LOC128706665: variants seen among roughly 807,000 people sequenced by gnomAD.
the LOC128706665 span, chr20:10,431,739 C>T: frequency 6.6e-6 from 1 of 152,190 alleles, no homozygotes; most frequent in African/African-American, 2.4e-5. Context: ...CACTGCCACC[C>T]ACGATAACAG....
At chr20:10,419,754 G>C in the LOC128706665 span, among the ~76,000 whole-genome samples, 1 of 152,138 alleles carries the variant, frequency 6.6e-6, no homozygotes, top group African/African-American at 2.4e-5. Context: ...GACAGACAAG[G>C]GAATGACTCA....
At chr20:10,428,572 C>G in the LOC128706665 span, among the ~76,000 whole-genome samples, 2 of 152,210 alleles carry the variant, frequency 1.3e-5, no homozygotes, top group East Asian at 3.8e-4. Context: ...GGCGCGGTGG[C>G]TCACGCCTCT....
At chr20:10,427,981 T>TA in the LOC128706665 span, among the ~76,000 whole-genome samples, 3 of 152,248 alleles carry the variant, frequency 2.0e-5, no homozygotes, top group Non-Finnish European at 1.5e-5. Context: ...CAGGTATGCG[T>TA]AAGTATCTTA....
At chr20:10,433,557 G>A in the LOC128706665 span, among the ~76,000 whole-genome samples, 7 of 152,322 alleles carry the variant, frequency 4.6e-5, no homozygotes, top group African/African-American at 1.7e-4. Flanking sequence ...ATTTGGGTAT[G>A]GTCTTATCGG....
chr20:10,430,949 G>A, the LOC128706665 span, among the ~76,000 whole-genome samples: 1 of 152,146 alleles, frequency 6.6e-6, no homozygotes, highest in Non-Finnish European at 1.5e-5. Context: ...GAGTAATGGC[G>A]AGAATCAAAG....
the LOC128706665 span, among the ~76,000 whole-genome samples, chr20:10,416,896 A>G: frequency 6.6e-6 from 1 of 152,176 alleles, no homozygotes; most frequent in Non-Finnish European, 1.5e-5. Context: ...GAGTGCTTTT[A>G]CACTACAACA....
chr20:10,414,909 C>T, the LOC128706665 span, among the ~76,000 whole-genome samples: 1,668 of 152,230 alleles, frequency 0.011, 29 homozygotes, highest in African/African-American at 0.038. Context: ...TCCTAGTCAA[C>T]GAATCCTCCC....
chr20:10,423,334 T>C, the LOC128706665 span, among the ~76,000 whole-genome samples: 1 of 151,978 alleles, frequency 6.6e-6, no homozygotes, highest in East Asian at 1.9e-4. Context: ...GGTAGGAGGA[T>C]CGCTTGGACC....
the LOC128706665 span, among the ~76,000 whole-genome samples, chr20:10,423,374 A>C: frequency 1.7e-4 from 26 of 152,304 alleles, no homozygotes; most frequent in African/African-American, 5.5e-4. Context: ...GTGAGCTGAG[A>C]TAACACCATT....
the LOC128706665 span, among the ~76,000 whole-genome samples, chr20:10,416,369 C>G: frequency 4.0e-5 from 6 of 151,542 alleles, no homozygotes; most frequent in East Asian, 3.9e-4. Context: ...CTTTTCTGCC[C>G]AAAAGTAAGG....
the LOC128706665 span, among the ~76,000 whole-genome samples, chr20:10,414,624 A>G: frequency 6.6e-6 from 1 of 152,140 alleles, no homozygotes; most frequent in Admixed American, 6.5e-5. Context: ...AAGATTTAAT[A>G]TTATGTTTTT....
the LOC128706665 span, among the ~76,000 whole-genome samples, chr20:10,425,779 A>G: frequency 7.9e-5 from 12 of 151,472 alleles, no homozygotes; most frequent in Non-Finnish European, 1.6e-4. Flanking sequence ...TCAAGTTTGG[A>G]GCAAAGCAAC....
At chr20:10,419,789 A>T in the LOC128706665 span, among the ~76,000 whole-genome samples, 120 of 152,354 alleles carry the variant, frequency 7.9e-4, no homozygotes, top group African/African-American at 2.6e-3. Flanking sequence ...GAAGTAGAAT[A>T]TCCCAGGATT....
chr20:10,415,236 G>A, the LOC128706665 span, among the ~76,000 whole-genome samples: 1 of 152,098 alleles, frequency 6.6e-6, no homozygotes, highest in African/African-American at 2.4e-5. Context: ...GTATTTCCAG[G>A]AATATGCTGA....
At chr20:10,424,775 G>A in the LOC128706665 span, among the ~76,000 whole-genome samples, 1 of 151,976 alleles carries the variant, frequency 6.6e-6, no homozygotes, top group African/African-American at 2.4e-5. Flanking sequence ...ATTAGAGCAG[G>A]GCACGGTGGC....
chr20:10,419,106 C>A, the LOC128706665 span, among the ~76,000 whole-genome samples: 8,018 of 152,148 alleles, frequency 0.053, 254 homozygotes, highest in Admixed American at 0.079. Flanking sequence ...AAGTCAAAAT[C>A]TCAGACCAAG....
the LOC128706665 span, among the ~76,000 whole-genome samples, chr20:10,427,908 C>T: frequency 6.6e-6 from 1 of 152,184 alleles, no homozygotes; most frequent in Non-Finnish European, 1.5e-5. Flanking sequence ...GACCTATATC[C>T]AAGAGCTGGG....
the LOC128706665 span, among the ~76,000 whole-genome samples, chr20:10,430,487 A>G: frequency 2.0e-5 from 3 of 152,222 alleles, no homozygotes; most frequent in African/African-American, 7.2e-5. Flanking sequence ...AAAAAACATT[A>G]CTGGAATTAA....
At chr20:10,423,002 C>T in the LOC128706665 span, among the ~76,000 whole-genome samples, 14 of 152,084 alleles carry the variant, frequency 9.2e-5, no homozygotes, top group Non-Finnish European at 1.9e-4. Flanking sequence ...TGAGCCACTG[C>T]GCCCGGCCCT....
Sources: gnomAD v4.1 joint callset for allele counts (sites outside exome capture counted in the v4.1 genomes callset) on GRCh38, gnomAD v4.1.1 for gene constraint, MANE v1.5 for transcripts.